The following AUTS2 variants were observed in gnomAD, a reference collection of about 807,000 sequenced individuals.
AUTS2 encodes activator of transcription and developmental regulator AUTS2, also known as autism susceptibility gene 2 protein.
In AUTS2, 17 loss-of-function variants were observed where a neutral mutation model predicts 112.4. The observed-to-expected ratio is 0.15, with a 90% CI of 0.10 to 0.23. The LOEUF (loss-of-function observed/expected upper bound fraction) is 0.23, where lower values mean the gene tolerates loss of function less well. Among genes scored for constraint, AUTS2 ranks in the 10% least tolerant of loss-of-function variants. AUTS2 has a pLI of 1.00. For synonymous variants in AUTS2, 751 were observed against 702.7 expected, an observed-to-expected ratio of 1.07 and a Z score of -1.09; for missense variants, 1,510 against 1,701.6, an observed-to-expected ratio of 0.89 and a Z score of 1.98.
chr7:70,521,194 T>C (rs553546942), intron 5 of AUTS2, among the ~76,000 whole-genome samples: 1 of 152,262 alleles, frequency 6.6e-6, no homozygotes, highest in East Asian at 1.9e-4. Context: ...TACTCTTCAT[T>C]TCTGGAATGA....
chr7:69,676,853 T>C (rs1236153990), intron 1 of AUTS2, among the ~76,000 whole-genome samples: 1 of 152,014 alleles, frequency 6.6e-6, no homozygotes, highest in Non-Finnish European at 1.5e-5. Flanking sequence ...TGAAACTGTT[T>C]TCTGACCATG....
intron 2 of AUTS2, among the ~76,000 whole-genome samples, chr7:70,078,993 T>G (rs989896810): frequency 2.6e-5 from 4 of 152,198 alleles, no homozygotes; most frequent in Admixed American, 2.6e-4. Flanking sequence ...TCAGCTTCTT[T>G]TCTCGATTGG....
In AUTS2 at chr7:70,775,407, A is replaced by T. The variant is rs201308562; in HGVS notation, c.1932+21A>T. The T allele has an allele frequency of 4.7e-5, 75 of 1,604,906 alleles. 3 individuals are homozygous for T. The South Asian group carries it at 8.2e-4, about 18-fold the overall frequency. On this transcript the variant is annotated intron_variant, in intron 13 of 18. Transcript: ENST00000342771. ...TAAGGGTAAGAAAGCTTCTTATAGA[A>T]CTGTTTTGCAACCTCTATTTGACTC...
chr7:70,408,179 G>GAA (rs773854684), intron 4 of AUTS2, among the ~76,000 whole-genome samples: 6 of 137,108 alleles, frequency 4.4e-5, no homozygotes, highest in African/African-American at 1.1e-4. Flanking sequence ...AGACCCTGTG[G>GAA]AAAAAAAAAA....
intron 2 of AUTS2, among the ~76,000 whole-genome samples, chr7:69,962,862 A>T (rs938134156): frequency 2.6e-5 from 4 of 152,106 alleles, no homozygotes; most frequent in African/African-American, 9.7e-5. Flanking sequence ...TTTTTGACAG[A>T]TGAATGAATC....
At chr7:70,439,243 G>C (rs1796021436) in intron 5 of AUTS2, among the ~76,000 whole-genome samples, 1 of 152,148 alleles carries the variant, frequency 6.6e-6, no homozygotes, top group Non-Finnish European at 1.5e-5. Context: ...GGACGTTCAT[G>C]AAGAGTAGAA....
At chr7:70,513,459 G>A (rs911671746) in intron 5 of AUTS2, among the ~76,000 whole-genome samples, 1 of 152,122 alleles carries the variant, frequency 6.6e-6, no homozygotes, top group African/African-American at 2.4e-5. Context: ...GATGTAATAA[G>A]GGGACAGATT....
At chr7:70,479,637 GAA>G (rs11317602) in intron 5 of AUTS2, among the ~76,000 whole-genome samples, 2 of 150,248 alleles carry the variant, frequency 1.3e-5, no homozygotes, top group African/African-American at 2.4e-5. Flanking sequence ...TGTAGTACCT[GAA>G]AAAAAAAAAT....
At chr7:70,278,599 A>ATACATACG (rs1383771463) in intron 4 of AUTS2, among the ~76,000 whole-genome samples, 2 of 150,808 alleles carry the variant, frequency 1.3e-5, no homozygotes, top group Non-Finnish European at 3.0e-5. Flanking sequence ...ACATACATAC[A>ATACATACG]TACATACATA....
At chr7:70,363,572 T>C (rs1376174416) in intron 4 of AUTS2, among the ~76,000 whole-genome samples, 5 of 152,054 alleles carry the variant, frequency 3.3e-5, no homozygotes, top group Non-Finnish European at 7.4e-5. Flanking sequence ...TTAAGATATT[T>C]ATGCAGATGA....
At chr7:69,668,523 C>T (rs1005119037) in intron 1 of AUTS2, among the ~76,000 whole-genome samples, 2 of 152,274 alleles carry the variant, frequency 1.3e-5, no homozygotes, top group African/African-American at 4.8e-5. Context: ...CATTTTAGCA[C>T]GTGGTGATCT....
intron 5 of AUTS2, among the ~76,000 whole-genome samples, chr7:70,648,201 G>T (rs1190017407): frequency 6.6e-6 from 1 of 152,222 alleles, no homozygotes; most frequent in Non-Finnish European, 1.5e-5. Context: ...CAGGATGAAT[G>T]TGAGCTGCTG....
chr7:69,704,326 G>A (rs1250854485), intron 1 of AUTS2, among the ~76,000 whole-genome samples: 1 of 151,348 alleles, frequency 6.6e-6, no homozygotes, highest in East Asian at 1.9e-4. Context: ...CGCCCAGGCT[G>A]GAGTGCGGTG....
At chr7:70,645,358 C>T (rs746107295) in intron 5 of AUTS2, among the ~76,000 whole-genome samples, 2 of 151,920 alleles carry the variant, frequency 1.3e-5, no homozygotes, top group Non-Finnish European at 2.9e-5. Context: ...CCTGGCATCA[C>T]AACAGTTCAC....
intron 6 of AUTS2, among the ~76,000 whole-genome samples, chr7:70,701,938 G>C (rs181934348): frequency 4.6e-5 from 7 of 152,268 alleles, no homozygotes; most frequent in Admixed American, 4.6e-4. Flanking sequence ...TGATTGAAAT[G>C]CTATAGGAGC....
intron 5 of AUTS2, among the ~76,000 whole-genome samples, chr7:70,670,221 T>C (rs1489133540): frequency 6.6e-6 from 1 of 152,250 alleles, no homozygotes; most frequent in Non-Finnish European, 1.5e-5. Flanking sequence ...AATTGAACCC[T>C]GTTTTAATTG....
At chr7:70,708,052 C>T (rs1585545083) in intron 6 of AUTS2, among the ~76,000 whole-genome samples, 1 of 152,078 alleles carries the variant, frequency 6.6e-6, no homozygotes, top group Admixed American at 6.5e-5. Context: ...CAAGTGTGCC[C>T]GTTAATAGAC....
At chr7:69,738,431 C>G (rs930772132) in intron 1 of AUTS2, among the ~76,000 whole-genome samples, 1 of 152,172 alleles carries the variant, frequency 6.6e-6, no homozygotes, top group Admixed American at 6.5e-5. Context: ...GAGGGTAAAA[C>G]TCTTCGAAAG....
intron 5 of AUTS2, among the ~76,000 whole-genome samples, chr7:70,453,385 C>T (rs1796608699): frequency 6.6e-6 from 1 of 152,208 alleles, no homozygotes; most frequent in Admixed American, 6.5e-5. Context: ...TAAGCATTAC[C>T]TTGGCAAGCG....
Sources: allele counts gnomAD v4.1 joint callset (sites outside exome capture counted in the v4.1 genomes callset), GRCh38; gene constraint gnomAD v4.1.1; transcripts MANE v1.5; gene names NCBI Gene and HGNC (gene_info 2026-07-23, HGNC 2026-07-21).